ZNF625: variants seen among roughly 807,000 people sequenced by gnomAD.
ZNF625 encodes the protein zinc finger protein 625.
Under a neutral mutation model 11.1 loss-of-function variants are expected in ZNF625, and 8 were observed. The ratio of observed to expected loss-of-function variants is 0.72; its 90% CI spans 0.42 to 1.30. ZNF625 has a LOEUF of 1.30. Among genes scored for constraint, ZNF625 ranks in the 50% most tolerant of loss-of-function variants. The pLI is 0.01. For missense variants in ZNF625, 349 were observed against 447.6 expected, an observed-to-expected ratio of 0.78 and a Z score of 1.99; for synonymous variants, 145 against 153.4, an observed-to-expected ratio of 0.95 and a Z score of 0.41.
Position 12,145,131 on chromosome 19 carries a change from A to G in ZNF625, c.*166T>C. 1.3e-6 allele frequency: 1 copy of G among 746,794 alleles called. No individual in the cohort carries two copies. Among genetic ancestry groups the G allele is most frequent in the Non-Finnish European group, 2.2e-6 (1 of 448,476 alleles). 46.3% of individuals were successfully genotyped at this position (746,794 alleles called of 1,614,324 possible). A position where few individuals can be genotyped will look rare whatever the true frequency, so the allele number is the denominator to read the frequency against. ...ATCTGAGTGAGGCCCCAGCTAAACT[A>G]CTCCCAAAAATTTTTGCTCCTGGGC... On this transcript the variant is annotated 3_prime_UTR_variant, in exon 4 of 4. Coordinates refer to ENST00000439556, the MANE Select transcript of ZNF625 (RefSeq NM_145233.4).
At chr19:12,148,528 G>C (rs550718870) in intron 1 of ZNF625, among the ~76,000 whole-genome samples, 1 of 152,034 alleles carries the variant, frequency 6.6e-6, no homozygotes, top group Non-Finnish European at 1.5e-5. Flanking sequence ...CATCAAGAGA[G>C]AAAATGAACC....
At chr19:12,148,978 A>G (rs1391129764) in intron 1 of ZNF625, among the ~76,000 whole-genome samples, 1 of 152,084 alleles carries the variant, frequency 6.6e-6, no homozygotes, top group Admixed American at 6.6e-5. Context: ...TCAATTAAAA[A>G]AAAATTGAAA....
intron 1 of ZNF625, among the ~76,000 whole-genome samples, chr19:12,152,705 G>A (rs1401488599): frequency 6.6e-6 from 1 of 151,910 alleles, no homozygotes; most frequent in Non-Finnish European, 1.5e-5. Context: ...AGCTGGGCGT[G>A]GTAGCATGCG....
intron 1 of ZNF625, among the ~76,000 whole-genome samples, chr19:12,151,204 CTTTT>C (rs573002649): frequency 1.5e-5 from 2 of 133,974 alleles, no homozygotes; most frequent in Non-Finnish European, 3.2e-5. Context: ...TCTTGTATTT[CTTTT>C]TTTTTTTTTT....
intron 3 of ZNF625, 39 bp from the exon 4 acceptor site, chr19:12,146,263 ATCAC>A: frequency 6.4e-7 from 1 of 1,557,674 alleles, no homozygotes; most frequent in African/African-American, 1.4e-5. Context: ...GGGTTCCTTT[ATCAC>A]TGATTTGATA....
At chr19:12,149,579 TAAG>T (rs1188548272) in intron 1 of ZNF625, among the ~76,000 whole-genome samples, 1 of 152,094 alleles carries the variant, frequency 6.6e-6, no homozygotes, top group Non-Finnish European at 1.5e-5. Flanking sequence ...TGGTAAAATT[TAAG>T]TTTTTTACTT....
At position 12,146,187 on chromosome 19, in the gene ZNF625, C is replaced by T. The variant is rs1214823604; in HGVS notation, c.229G>A (p.Asp77Asn). ...GTCAAAATTTCTCCATGCTGATGAT[C>T]TTTCTTACTTTCTAAGAGTCTCTCT... is the stretch of plus-strand genomic sequence containing the variant. ...MGERLLESKK[D>N]HQHGEILTQV... Residue 77 changes from aspartate to asparagine, a missense_variant, in exon 4 of 4, where the codon GAT (aspartate) becomes AAT (asparagine). Coordinates refer to ENST00000439556, the MANE Select transcript of ZNF625 (RefSeq NM_145233.4). 1 of 1,614,086 alleles carries T rather than the reference C, an allele frequency of 6.2e-7. No individual in the cohort carries two copies.
chr19:12,153,548 G>A (rs1976986297), intron 1 of ZNF625, among the ~76,000 whole-genome samples: 1 of 151,364 alleles, frequency 6.6e-6, no homozygotes, highest in South Asian at 2.1e-4. Flanking sequence ...GCCGGGTATG[G>A]TGGCGCAGGT....
At chr19:12,149,445 C>T (rs573608498) in intron 1 of ZNF625, among the ~76,000 whole-genome samples, 16 of 151,120 alleles carry the variant, frequency 1.1e-4, no homozygotes, top group African/African-American at 3.6e-4. Flanking sequence ...GTTGTTACAA[C>T]AAGCATGAAA....
intron 1 of ZNF625, among the ~76,000 whole-genome samples, chr19:12,150,748 C>T (rs1883800455): frequency 1.3e-5 from 2 of 152,134 alleles, no homozygotes; most frequent in South Asian, 4.1e-4. Flanking sequence ...ATAATATGCT[C>T]TCTCCCTGTG....
chr19:12,150,865 T>G (rs1976944781), intron 1 of ZNF625, among the ~76,000 whole-genome samples: 2 of 151,836 alleles, frequency 1.3e-5, no homozygotes, highest in Admixed American at 6.6e-5. Context: ...ATAAACTGGG[T>G]GAGATGGGGG....
At chr19:12,151,204 C>CTTTTTTTT (rs573002649) in intron 1 of ZNF625, among the ~76,000 whole-genome samples, 9 of 133,976 alleles carry the variant, frequency 6.7e-5, no homozygotes, top group South Asian at 2.4e-4. Flanking sequence ...TCTTGTATTT[C>CTTTTTTTT]TTTTTTTTTT....
At chr19:12,151,529 G>A (rs1322436182) in intron 1 of ZNF625, among the ~76,000 whole-genome samples, 3 of 151,842 alleles carry the variant, frequency 2.0e-5, no homozygotes, top group East Asian at 1.9e-4. Context: ...TACAGGCCCC[G>A]CCACCACGCC....
In ZNF625 at chr19:12,150,669, A is replaced by G. The variant is rs1439647329; in HGVS notation, c.4-2867T>C. ...GACATTTTTAACACGATTTCAGTAC[A>G]ATCTTTTTTTACAAGGGACAGGGAC... On this transcript the variant is annotated intron_variant, in intron 1 of 3. Coordinates refer to ENST00000439556, the MANE Select transcript of ZNF625 (RefSeq NM_145233.4). Among the ~76,000 whole-genome samples the G allele has an allele frequency of 2.0e-5, 3 of 152,178 alleles. No individual in the cohort carries two copies. The East Asian group carries it at 5.8e-4, about 29-fold the overall frequency.
intron 1 of ZNF625, among the ~76,000 whole-genome samples, chr19:12,152,234 A>T (rs943199958): frequency 6.6e-6 from 1 of 152,088 alleles, no homozygotes; most frequent in African/African-American, 2.4e-5. Context: ...ACATATGTAC[A>T]TGTATATGTG....
At chr19:12,153,869 G>A (rs1179670083) in intron 1 of ZNF625, among the ~76,000 whole-genome samples, 3 of 147,806 alleles carry the variant, frequency 2.0e-5, no homozygotes, top group Non-Finnish European at 4.5e-5. Context: ...GTGCAGTGGG[G>A]TGATCTCAGC....
Position 12,147,775 on chromosome 19 carries a change from C to T in ZNF625, c.31G>A (p.Val11Met). MDSVVFEDVD[V>M]NFTQEEWALL... Reference sequence around the variant, plus strand: ...GCCCACTCCTCCTGGGTGAAGTTCACATCTACATCCTCAAAGACCACTGAA... The same window carrying T: ...GCCCACTCCTCCTGGGTGAAGTTCATATCTACATCCTCAAAGACCACTGAA... The change falls in exon 2 of 4, where the codon GTG (valine) becomes ATG (methionine). Residue 11 changes from valine to methionine, a missense_variant. Physicochemically the swap from Val to Met is conservative, Grantham distance 21. Coordinates refer to ENST00000439556, the MANE Select transcript of ZNF625 (RefSeq NM_145233.4). 6.2e-7 allele frequency: 1 copy of T among 1,614,144 alleles called. No homozygotes were observed. The highest frequency in any genetic ancestry group is 8.5e-7 in the Non-Finnish European group (1 of 1,180,014).
chr19:12,149,077 C>A (rs965698148), intron 1 of ZNF625, among the ~76,000 whole-genome samples: 2 of 151,834 alleles, frequency 1.3e-5, no homozygotes, highest in African/African-American at 4.8e-5. Context: ...GTCAGGAGAT[C>A]AAGACCATTC....
chr19:12,151,562 G>C (rs1976956415), intron 1 of ZNF625, among the ~76,000 whole-genome samples: 1 of 151,886 alleles, frequency 6.6e-6, no homozygotes, highest in Non-Finnish European at 1.5e-5. Flanking sequence ...TGTATTTTTA[G>C]TAGAGACGGG....
Sources: allele counts gnomAD v4.1 joint callset (sites outside exome capture counted in the v4.1 genomes callset), GRCh38; gene constraint gnomAD v4.1.1; transcripts MANE v1.5; gene names NCBI Gene and HGNC (gene_info 2026-07-23, HGNC 2026-07-21).